Variants in CREB5 observed in about 807,000 individuals in gnomAD.
The protein encoded by CREB5 is cyclic AMP-responsive element-binding protein 5.
CREB5 carries 19 observed loss-of-function variants against 57.1 expected under a neutral mutation model. That is an observed-to-expected ratio of 0.33 (90% CI 0.23 to 0.49). CREB5 has a LOEUF of 0.49. CREB5 is among the 20% of genes least tolerant of loss of function. CREB5 has a pLI of 0.99. For missense variants in CREB5, 579 were observed against 671.6 expected (o/e 0.86, Z 1.52); for synonymous variants, 238 against 238.3 (o/e 1.00, Z 0.01).
In CREB5 at chr7:28,363,320, T is replaced by C. The variant is rs1178627516; in HGVS notation, c.-25+63879T>C. On this transcript the variant is annotated intron_variant, in intron 1 of 9. Transcript: ENST00000396299. ...GCACATAATTTTCCTTTGATCGGGC[T>C]AAATGCAAGCAAAGGAAATTGGCTA... 2.0e-5 allele frequency among the ~76,000 whole-genome samples: 3 copies of C among 152,154 alleles called. No homozygotes were observed. In the South Asian group the frequency reaches 6.2e-4, roughly 32 times the overall value.
chr7:28,338,972 G>A (rs1019317360), intron 1 of CREB5, among the ~76,000 whole-genome samples: 3 of 151,718 alleles, frequency 2.0e-5, no homozygotes, highest in Admixed American at 6.6e-5. Flanking sequence ...TTGATTCTCT[G>A]TATTTCATTC....
chr7:28,563,106 TA>T (rs1795342889), intron 4 of CREB5, among the ~76,000 whole-genome samples: 1 of 152,190 alleles, frequency 6.6e-6, no homozygotes, highest in African/African-American at 2.4e-5. Flanking sequence ...AGACTGATGA[TA>T]AGAGTTAAAT....
intron 4 of CREB5, among the ~76,000 whole-genome samples, chr7:28,546,023 T>C (rs984112143): frequency 6.6e-6 from 1 of 152,196 alleles, no homozygotes; most frequent in Admixed American, 6.5e-5. Context: ...AAAAGAAACT[T>C]AGTGCCCATA....
intron 4 of CREB5, among the ~76,000 whole-genome samples, chr7:28,560,901 C>CGTGCGT (rs1368518820): frequency 1.8e-4 from 4 of 21,662 alleles, no homozygotes; most frequent in Admixed American, 6.1e-4. Flanking sequence ...TGTGTGCGTG[C>CGTGCGT]GCGCGTGCGT....
chr7:28,732,816 G>A (rs1583632919), intron 7 of CREB5, among the ~76,000 whole-genome samples: 1 of 148,212 alleles, frequency 6.7e-6, no homozygotes, highest in Admixed American at 6.8e-5. Flanking sequence ...GACAGAGGAG[G>A]CAAAGTTTTC....
rs888492554 is a variant in CREB5, at chr7:28,509,060, T to C, written c.291+1323T>C. 2.0e-5 allele frequency among the ~76,000 whole-genome samples: 3 copies of C among 152,178 alleles called. No individual in the cohort carries two copies. The South Asian group carries it at 6.2e-4, about 32-fold the overall frequency. On this transcript the variant is annotated intron_variant, in intron 4 of 10. Coordinates refer to ENST00000357727, the MANE Select transcript of CREB5 (RefSeq NM_182898.4). ...CATCATCTAGTCAACTTCCTTTGGT[T>C]GAGTAATAAATTTTTTTTTTGATAG...
At chr7:28,800,292 G>A (rs114525354) in intron 7 of CREB5, among the ~76,000 whole-genome samples, 2,368 of 152,274 alleles carry the variant, frequency 0.016, 73 homozygotes, top group African/African-American at 0.054. Flanking sequence ...GGGAAAGAGC[G>A]TCCTAGGCAA....
intron 8 of CREB5, among the ~76,000 whole-genome samples, chr7:28,806,039 G>T (rs1156652781): frequency 6.6e-6 from 1 of 151,930 alleles, no homozygotes; most frequent in East Asian, 1.9e-4. Context: ...GTCAATGATG[G>T]GCAAATTGAT....
chr7:28,408,262 A>G (rs1400987241), upstream of CREB5, among the ~76,000 whole-genome samples: 4 of 152,164 alleles, frequency 2.6e-5, no homozygotes. Context: ...TTGGTGTGAG[A>G]AACAAGGGAA....
intron 1 of CREB5, among the ~76,000 whole-genome samples, chr7:28,335,922 G>A (rs1056375996): frequency 6.6e-6 from 1 of 151,888 alleles, no homozygotes; most frequent in African/African-American, 2.4e-5. Context: ...GTTTAATTTT[G>A]TCAAGTGCTT....
intron 1 of CREB5, 87 bp downstream of exon 1, chr7:28,413,004 G>T: frequency 8.2e-7 from 1 of 1,225,380 alleles, no homozygotes; most frequent in South Asian, 2.3e-5. Flanking sequence ...TTCATAGATG[G>T]AATTCAGAAA....
intron 1 of CREB5, among the ~76,000 whole-genome samples, chr7:28,304,074 T>C (rs113830589): frequency 3.9e-5 from 6 of 152,308 alleles, no homozygotes; most frequent in African/African-American, 1.4e-4. Context: ...GTTATTCTAG[T>C]ACCTAATGAT....
chr7:28,407,216 A>G (rs1161015255), intron 1 of CREB5, among the ~76,000 whole-genome samples: 1 of 151,758 alleles, frequency 6.6e-6, no homozygotes, highest in African/African-American at 2.4e-5. Flanking sequence ...CACCCAGCTA[A>G]TTTTTGTATT....
intron 5 of CREB5, among the ~76,000 whole-genome samples, chr7:28,715,698 CAGAG>C (rs1053629270): frequency 2.6e-5 from 4 of 152,160 alleles, no homozygotes; most frequent in East Asian, 1.9e-4. Context: ...AAGCAAGAAA[CAGAG>C]AGAAAATTCT....
chr7:28,691,419 C>CAAAAAAAAAAAAAAA, intron 5 of CREB5, among the ~76,000 whole-genome samples: 1 of 91,996 alleles, frequency 1.1e-5, no homozygotes, highest in Non-Finnish European at 2.2e-5. Flanking sequence ...GACTCTGTCT[C>CAAAAAAAAAAAAAAA]CAAAAAAAAA....
At chr7:28,490,070 G>T (rs965500952) in intron 2 of CREB5, among the ~76,000 whole-genome samples, 1 of 152,170 alleles carries the variant, frequency 6.6e-6, no homozygotes, top group Non-Finnish European at 1.5e-5. Context: ...GCTTTGCTTT[G>T]GTGGTGAAAA....
chr7:28,629,656 C>T (rs930515550), intron 5 of CREB5, among the ~76,000 whole-genome samples: 4 of 152,218 alleles, frequency 2.6e-5, no homozygotes, highest in African/African-American at 7.2e-5. Context: ...ACCTTTGCTT[C>T]ATGGCAGTCA....
chr7:28,347,324 G>A (rs530359327), intron 1 of CREB5, among the ~76,000 whole-genome samples: 1 of 152,226 alleles, frequency 6.6e-6, no homozygotes. Context: ...TTTATTTTAA[G>A]GGAGACCTGT....
Position 28,679,494 on chromosome 7 carries a change from G to A in CREB5, c.465-39259G>A, listed in dbSNP as rs544056667. On this transcript the variant is annotated intron_variant, in intron 5 of 10. Coordinates refer to ENST00000357727, the MANE Select transcript of CREB5 (RefSeq NM_182898.4). Reference sequence around the variant, plus strand: ...AGATTTCAGGGTGTAAAAGGGAGGGGACGAAGACCAGGTGAGCAGTGTAAG... The same window carrying A: ...AGATTTCAGGGTGTAAAAGGGAGGGAACGAAGACCAGGTGAGCAGTGTAAG... 2.0e-5 allele frequency among the ~76,000 whole-genome samples: 3 copies of A among 152,284 alleles called. No homozygotes were observed. In the South Asian group the frequency reaches 6.2e-4, roughly 32 times the overall value.
Sources: allele counts gnomAD v4.1 joint callset (sites outside exome capture counted in the v4.1 genomes callset), GRCh38; gene constraint gnomAD v4.1.1; transcripts MANE v1.5; gene names NCBI Gene and HGNC (gene_info 2026-07-23, HGNC 2026-07-21).